Variants in LENG8 observed in about 807,000 individuals in gnomAD.
LENG8 encodes leukocyte receptor cluster (LRC) member 8.
LENG8 carries 28 observed loss-of-function variants against 102.1 expected under a neutral mutation model. The ratio of observed to expected loss-of-function variants is 0.27; its 90% CI spans 0.20 to 0.38. The LOEUF (loss-of-function observed/expected upper bound fraction) is 0.38, where lower values mean the gene tolerates loss of function less well. Among genes scored for constraint, LENG8 ranks in the 10% least tolerant of loss-of-function variants. The pLI is 1.00. For synonymous variants in LENG8, 531 were observed against 456.7 expected, an observed-to-expected ratio of 1.16 and a Z score of -2.07; for missense variants, 1,022 against 1,113.9, an observed-to-expected ratio of 0.92 and a Z score of 1.17.
chr19:54,459,218 G>A, intron 15 of LENG8: 1 of 1,093,600 alleles, frequency 9.1e-7, no homozygotes, highest in Non-Finnish European at 1.1e-6. Flanking sequence ...GATGCTCTTG[G>A]CATCTAGTGA....
At chr19:54,457,185 A>G (rs1399799347) in intron 11 of LENG8, among the ~76,000 whole-genome samples, 1 of 152,260 alleles carries the variant, frequency 6.6e-6, no homozygotes, top group Non-Finnish European at 1.5e-5. Context: ...GACACGGAGC[A>G]TAAAGCCTTC....
chr19:54,459,255 A>G (rs921392200), intron 15 of LENG8: 7 of 1,040,722 alleles, frequency 6.7e-6, no homozygotes, highest in Non-Finnish European at 8.1e-6. Context: ...CTGCCCTGCC[A>G]CTGCCATTGG....
At position 54,461,267 on chromosome 19, in the gene LENG8, G is replaced by C. The variant is rs1002589142; in HGVS notation, c.*339G>C. On this transcript the variant is annotated 3_prime_UTR_variant, in exon 16 of 16. Transcript: ENST00000326764. Reference sequence around the variant, plus strand: ...CTTTCGAGCTTGCACTCCGGTACCCGACCCGGCGCCCTGGCCCATCCCATG... The same window carrying C: ...CTTTCGAGCTTGCACTCCGGTACCCCACCCGGCGCCCTGGCCCATCCCATG... 1 of 498,584 alleles carries C rather than the reference G, an allele frequency of 2.0e-6. No homozygotes were observed. Among genetic ancestry groups the C allele is most frequent in the Non-Finnish European group, 3.9e-6 (1 of 256,986 alleles). The allele number at this position is 498,584 out of a possible 1,614,324, so 30.9% of individuals were successfully genotyped here.
At chr19:54,460,695 TC>T in intron 15 of LENG8, 70 bp from the exon 16 acceptor site, 2 of 1,447,098 alleles carry the variant, frequency 1.4e-6, no homozygotes, top group East Asian at 2.6e-5. Flanking sequence ...TGGGGGGGCC[TC>T]CCCGCTCGTG....
intron 11 of LENG8, 91 bp downstream of exon 11, chr19:54,457,012 GGGGGCTCTGGTAT>G (rs1159117459): frequency 7.4e-7 from 1 of 1,356,932 alleles, no homozygotes; most frequent in East Asian, 2.5e-5. Flanking sequence ...GAGGCCACAC[GGGGGCTCTGGTAT>G]GGCAGGGGAA....
intron 5 of LENG8, among the ~76,000 whole-genome samples, 192 bp from the exon 6 acceptor site, chr19:54,454,238 C>T (rs567559824): frequency 3.9e-5 from 6 of 152,274 alleles, no homozygotes; most frequent in Admixed American, 3.9e-4. Flanking sequence ...GCCTTGTCAG[C>T]TGTGAAAAGG....
intron 1 of LENG8, 50 bp downstream of exon 1, chr19:54,449,360 G>C (rs931500653): frequency 1.3e-5 from 2 of 152,246 alleles, no homozygotes; most frequent in African/African-American, 4.8e-5. Flanking sequence ...ATCTCCTTTT[G>C]GTCTTGCGCC....
At position 54,461,807 on chromosome 19, in the gene LENG8, C is replaced by A; in HGVS notation, c.*879C>A. 2.4e-5 allele frequency: 12 copies of A among 509,674 alleles called. No homozygotes were observed. Among genetic ancestry groups the A allele is most frequent in the East Asian group, 1.1e-4 (2 of 18,386 alleles). 31.6% of individuals were successfully genotyped at this position (509,674 alleles called of 1,614,324 possible). ...TCCTCTCCCTTTTCTTTTTGGCCCT[C>A]CCTCCCTCCCTCTTCTGCCATGTAA... On this transcript the variant is annotated 3_prime_UTR_variant, in exon 16 of 16. Coordinates refer to ENST00000326764, the MANE Select transcript of LENG8 (RefSeq NM_052925.4).
At chr19:54,455,640 A>G (rs2084190153) in intron 8 of LENG8, 73 bp downstream of exon 8, 22 of 1,339,866 alleles carry the variant, frequency 1.6e-5, no homozygotes, top group Non-Finnish European at 2.3e-5. Context: ...GAGGTAGGAG[A>G]GTTGCGGGTC....
chr19:54,451,213 A>G, intron 1 of LENG8, 77 bp from the exon 2 acceptor site: 1 of 929,658 alleles, frequency 1.1e-6, no homozygotes, highest in Non-Finnish European at 1.8e-6. Flanking sequence ...TCTTGAGTCC[A>G]TCTACTTTTC....
intron 15 of LENG8, 140 bp from the exon 16 acceptor site, chr19:54,460,626 T>A (rs1305892719): frequency 7.0e-7 from 1 of 1,424,944 alleles, no homozygotes; most frequent in African/African-American, 1.5e-5. Context: ...GTGGGGAGGC[T>A]GGGAGGCGGG....
At chr19:54,455,688 A>G in intron 8 of LENG8, 121 bp downstream of exon 8, 2 of 952,554 alleles carry the variant, frequency 2.1e-6, no homozygotes, top group South Asian at 1.5e-5. Context: ...TGAACTGGAA[A>G]GTTGGATCCT....
At position 54,455,380 on chromosome 19, in the gene LENG8, G is replaced by C. The variant is rs1459676658; in HGVS notation, c.838G>C (p.Gly280Arg). 5 of 1,614,184 alleles carry C rather than the reference G, an allele frequency of 3.1e-6. No individual in the cohort carries two copies. Among genetic ancestry groups the C allele is most frequent in the East Asian group, 4.5e-5 (2 of 44,884 alleles). ...VQNHSGSSAR[G>R]NLSGKPDDWP... is the part of the protein sequence containing the mutation. ...CTCCCGCAGCGGGTCCTCTGCCCGGGGGAACCTGTCTGGGAAGCCGGATGA... is the reference window on the plus strand; with the variant it reads ...CTCCCGCAGCGGGTCCTCTGCCCGGCGGAACCTGTCTGGGAAGCCGGATGA... Residue 280 changes from glycine to arginine, a missense_variant, in exon 8 of 16, where the codon GGG becomes CGG. Around this residue, in one of 7 missense-constraint regions of LENG8, gnomAD observed 343 missense variants for 320.2 expected, o/e 1.07. Transcript: ENST00000326764.
intron 7 of LENG8, 95 bp from the exon 8 acceptor site, chr19:54,455,269 A>T: frequency 6.6e-7 from 1 of 1,516,478 alleles, no homozygotes; most frequent in Non-Finnish European, 9.1e-7. Flanking sequence ...AAACTTGGGG[A>T]CTGCGTCCCG....
In LENG8 at chr19:54,452,098, C is replaced by T. The variant is rs2083990161; in HGVS notation, c.44C>T (p.Ser15Phe). ...VGDQRSTDWS[S>F]QYSMVAGAGR... is the part of the protein sequence containing the mutation. ...GATGTCCTCTCTCTCTGCAGGTCTT[C>T]TCAGTACAGCATGGTGGCTGGGGCA... The change falls in exon 3 of 16, where the codon TCT becomes TTT. Residue 15 changes from serine to phenylalanine, a missense_variant. Coordinates refer to ENST00000326764, the MANE Select transcript of LENG8 (RefSeq NM_052925.4). The T allele has an allele frequency of 3.7e-6, 6 of 1,612,856 alleles. No homozygotes were observed. The highest frequency in any genetic ancestry group is 2.2e-5 in the East Asian group (1 of 44,886).
chr19:54,458,268 C>A (rs754790544), intron 14 of LENG8, 36 bp downstream of exon 14: 42 of 1,613,708 alleles, frequency 2.6e-5, no homozygotes, highest in Non-Finnish European at 3.6e-5. Flanking sequence ...GCCATGGTAC[C>A]CAGGGTTGAG....
At chr19:54,452,560 C>T in intron 3 of LENG8, 91 bp from the exon 4 acceptor site, 2 of 1,045,462 alleles carry the variant, frequency 1.9e-6, no homozygotes, top group Admixed American at 1.8e-5. Flanking sequence ...CATCCCTTGG[C>T]AATTGGCCAC....
intron 11 of LENG8, among the ~76,000 whole-genome samples, chr19:54,457,431 C>T (rs2084309169): frequency 6.6e-6 from 1 of 152,210 alleles, no homozygotes; most frequent in Admixed American, 6.5e-5. Flanking sequence ...GCCTCCGCTC[C>T]CCGGCTTCAA....
At chr19:54,460,165 C>T (rs1336894963) in intron 15 of LENG8, 3 of 1,289,956 alleles carry the variant, frequency 2.3e-6, no homozygotes, top group African/African-American at 3.0e-5. Flanking sequence ...GGACTTAGTG[C>T]CCCTCACTCG....
Sources: gnomAD v4.1 joint callset for allele counts (sites outside exome capture counted in the v4.1 genomes callset) on GRCh38, gnomAD v4.1.1 for gene constraint, gnomAD v4.1.1 regional missense constraint, MANE v1.5 for transcripts, NCBI Gene and HGNC (gene_info 2026-07-23, HGNC 2026-07-21) for gene names.